Variants in DCAF17 observed in about 807,000 individuals in gnomAD.
DCAF17 encodes the protein DDB1- and CUL4-associated factor 17.
A neutral mutation model predicts 66.0 loss-of-function variants in DCAF17; 48 were observed. The observed-to-expected ratio is 0.73, with a 90% CI of 0.58 to 0.92. The LOEUF (loss-of-function observed/expected upper bound fraction) is 0.92. Ranked by LOEUF, DCAF17 falls within the 40% of genes least tolerant of loss-of-function variation. DCAF17 has a pLI of 0.00. For missense variants in DCAF17, 562 were observed against 622.8 expected (o/e 0.90, Z 1.04); for synonymous variants, 206 against 214.6 (o/e 0.96, Z 0.35).
intron 6 of DCAF17, 99 bp downstream of exon 6, chr2:171,453,312 C>A: frequency 1.1e-6 from 1 of 904,768 alleles, no homozygotes; most frequent in Non-Finnish European, 1.7e-6. Flanking sequence ...GAAATGCTCC[C>A]CTCACTATAA....
At position 171,481,899 on chromosome 2, in the gene DCAF17, A is replaced by G; in HGVS notation, c.*785A>G. On this transcript the variant is annotated 3_prime_UTR_variant, in exon 14 of 14. Coordinates refer to ENST00000375255, the MANE Select transcript of DCAF17 (RefSeq NM_025000.4). ...TTCTACTCATTTAGTGAGTTTTCTG[A>G]TCTTGTTTAGGCAATATTTGCATAC... The G allele has an allele frequency of 2.2e-6, 1 of 453,976 alleles. No individual in the cohort carries two copies. Among genetic ancestry groups the G allele is most frequent in the South Asian group, 1.6e-5 (1 of 64,464 alleles). 28.1% of individuals were successfully genotyped at this position (453,976 alleles called of 1,614,324 possible).
chr2:171,483,821 G>A lies in DCAF17; in HGVS notation c.*2707G>A, dbSNP rs1195932606. ...AAAGTGAGGCTCACAGAAGTTAATT[G>A]GCCCAGGGTCCCACAACTAGTCAGT... On this transcript the variant is annotated 3_prime_UTR_variant, in exon 14 of 14. Transcript: ENST00000375255. 2.2e-6 allele frequency: 1 copy of A among 453,926 alleles called. No individual in the cohort carries two copies. Among genetic ancestry groups the A allele is most frequent in the East Asian group, 7.0e-5 (1 of 14,380 alleles). The allele number at this position is 453,926 out of a possible 1,614,324, so 28.1% of individuals were successfully genotyped here. A position where few individuals can be genotyped will look rare whatever the true frequency, so the allele number is the denominator to read the frequency against.
intron 9 of DCAF17, among the ~76,000 whole-genome samples, chr2:171,469,635 C>G (rs995619320): frequency 6.6e-6 from 1 of 152,088 alleles, no homozygotes; most frequent in African/African-American, 2.4e-5. Context: ...GAGGGCCTAC[C>G]ATGTGCCAGA....
chr2:171,448,106 G>A (rs899529255), intron 3 of DCAF17, among the ~76,000 whole-genome samples: 10 of 152,164 alleles, frequency 6.6e-5, no homozygotes, highest in Non-Finnish European at 1.5e-4. Flanking sequence ...AAGGAAAAAG[G>A]GGGCAATATG....
intron 6 of DCAF17, among the ~76,000 whole-genome samples, chr2:171,455,815 T>C (rs1695225554): frequency 6.6e-6 from 1 of 152,244 alleles, no homozygotes; most frequent in South Asian, 2.1e-4. Context: ...ATGCCATCTT[T>C]TTAGAAGTAT....
At chr2:171,473,801 T>C in intron 9 of DCAF17, 65 bp from the exon 10 acceptor site, 1 of 1,310,784 alleles carries the variant, frequency 7.6e-7, no homozygotes, top group Non-Finnish European at 1.1e-6. Flanking sequence ...ATCACTTGGG[T>C]TAGATTTGTA....
intron 8 of DCAF17, among the ~76,000 whole-genome samples, chr2:171,461,171 G>T (rs1376997686): frequency 1.3e-5 from 2 of 152,132 alleles, no homozygotes; most frequent in Non-Finnish European, 2.9e-5. Context: ...TTGGCCAGGC[G>T]TGGTGCCTCA....
At chr2:171,473,740 A>G (rs1696368502) in intron 9 of DCAF17, 126 bp from the exon 10 acceptor site, 3 of 754,444 alleles carry the variant, frequency 4.0e-6, no homozygotes, top group Non-Finnish European at 7.0e-6. Flanking sequence ...AATATATTCC[A>G]CTTTAACTGG....
intron 2 of DCAF17, among the ~76,000 whole-genome samples, chr2:171,438,350 T>C (rs899407833): frequency 1.4e-5 from 2 of 138,452 alleles, no homozygotes; most frequent in Non-Finnish European, 3.3e-5. Flanking sequence ...GGATGAGATA[T>C]TCTGTTTGAT....
At chr2:171,443,302 G>C in intron 2 of DCAF17, 1 of 426,430 alleles carries the variant, frequency 2.3e-6, no homozygotes, top group Non-Finnish European at 4.2e-6. Context: ...TGTTAATAAG[G>C]GTTATTTTTG....
At chr2:171,446,068 A>T (rs1410467544) in intron 3 of DCAF17, among the ~76,000 whole-genome samples, 1 of 152,200 alleles carries the variant, frequency 6.6e-6, no homozygotes, top group Non-Finnish European at 1.5e-5. Flanking sequence ...AATCCAGTGT[A>T]AGACTTCAAG....
At chr2:171,434,865 C>T in intron 1 of DCAF17, 162 bp downstream of exon 1, 1 of 1,146,482 alleles carries the variant, frequency 8.7e-7, no homozygotes. Context: ...GGTAATAGGG[C>T]CACCAGCTGC....
At chr2:171,440,375 G>A (rs944329887) in intron 2 of DCAF17, among the ~76,000 whole-genome samples, 1 of 151,932 alleles carries the variant, frequency 6.6e-6, no homozygotes, top group Non-Finnish European at 1.5e-5. Flanking sequence ...AGGAGTTTGA[G>A]ACCAGCCTAA....
In DCAF17 at chr2:171,448,877, A is replaced by G. The variant is rs113353859; in HGVS notation, c.458+60A>G. On this transcript the variant is annotated intron_variant, in intron 4 of 13. Coordinates refer to ENST00000375255, the MANE Select transcript of DCAF17 (RefSeq NM_025000.4). ...TTTAAAAATTTGAAACCTGTGGCCC[A>G]TGAAATTTCAAGCCTTTTTTCCCTG... 1.2e-4 allele frequency: 185 copies of G among 1,493,582 alleles called. No individual in the cohort carries two copies. In the African/African-American group the frequency reaches 2.2e-3, roughly 18 times the overall value. The allele number at this position is 1,493,582 out of a possible 1,614,324, so 92.5% of individuals were successfully genotyped here.
intron 10 of DCAF17, 106 bp downstream of exon 10, chr2:171,474,081 T>TC: frequency 1.1e-6 from 1 of 901,584 alleles, no homozygotes; most frequent in Non-Finnish European, 1.8e-6. Flanking sequence ...TGGAAATAAT[T>TC]AGCTTGTTGT....
At chr2:171,458,502 T>G in intron 8 of DCAF17, 25 bp downstream of exon 8, 2 of 1,558,176 alleles carry the variant, frequency 1.3e-6, no homozygotes. Flanking sequence ...TAGTATTTTT[T>G]CACCTTAAAA....
intron 8 of DCAF17, among the ~76,000 whole-genome samples, chr2:171,461,321 G>T (rs1395527161): frequency 6.6e-6 from 1 of 152,104 alleles, no homozygotes. Flanking sequence ...CAGCTACTCA[G>T]GAGGCTGAGG....
chr2:171,464,997 A>G (rs1178904158), intron 8 of DCAF17, among the ~76,000 whole-genome samples: 1 of 152,128 alleles, frequency 6.6e-6, no homozygotes, highest in Non-Finnish European at 1.5e-5. Flanking sequence ...GGAGTTCAAG[A>G]CTAGCCTGGC....
Position 171,434,686 on chromosome 2 carries a change from C to A in DCAF17, c.109C>A (p.Arg37=), listed in dbSNP as rs1452354914. ...VVQRTNLGIL[R]ALVCQESTKF... is the part of the protein sequence containing the mutation. ...GCAGAGGACCAACCTGGGCATCCTG[C>A]GGGCGCTGGTGTGCCAGGTGACCGC... The change falls in exon 1 of 14, where the codon CGG becomes AGG. Residue 37 remains arginine (R), a synonymous_variant. Coordinates refer to ENST00000375255, the MANE Select transcript of DCAF17 (RefSeq NM_025000.4). The A allele has an allele frequency of 2.7e-6, 4 of 1,500,116 alleles. No homozygotes were observed. The highest frequency in any genetic ancestry group is 2.9e-5 in the African/African-American group (2 of 68,992). The allele number at this position is 1,500,116 out of a possible 1,614,324, so 92.9% of individuals were successfully genotyped here. A position where few individuals can be genotyped will look rare whatever the true frequency, so the allele number is the denominator to read the frequency against.
Sources: gnomAD v4.1 joint callset for allele counts (sites outside exome capture counted in the v4.1 genomes callset) on GRCh38, gnomAD v4.1.1 for gene constraint, MANE v1.5 for transcripts, NCBI Gene and HGNC (gene_info 2026-07-23, HGNC 2026-07-21) for gene names.